Variants in GAS2 observed in about 807,000 individuals in gnomAD.
GAS2 encodes the protein growth arrest-specific protein 2.
GAS2 carries 20 observed loss-of-function variants against 37.5 expected under a neutral mutation model. The observed-to-expected ratio is 0.53, with a 90% CI of 0.37 to 0.77. The LOEUF is 0.77. GAS2 is among the 30% of genes least tolerant of loss of function. GAS2 has a pLI of 0.00. For synonymous variants in GAS2, 144 were observed against 132.2 expected (o/e 1.09, Z -0.61); for missense variants, 336 against 373.4 (o/e 0.90, Z 0.82).
At chr11:22,732,981 A>G (rs553435225) in intron 4 of GAS2, among the ~76,000 whole-genome samples, 1 of 151,608 alleles carries the variant, frequency 6.6e-6, no homozygotes, top group East Asian at 1.9e-4. Flanking sequence ...TCACCTGGAA[A>G]ATTTTTTTAA....
chr11:22,668,386 T>C (rs985082839), intron 1 of GAS2: 1 of 152,210 alleles, frequency 6.6e-6, no homozygotes, highest in African/African-American at 2.4e-5. Context: ...GCAAAGCACA[T>C]TGGAGACTTT....
At chr11:22,775,228 G>A (rs1300903845) in intron 7 of GAS2, among the ~76,000 whole-genome samples, 1 of 152,228 alleles carries the variant, frequency 6.6e-6, no homozygotes, top group East Asian at 1.9e-4. Flanking sequence ...AGGCTGTAGT[G>A]CAGATAATGA....
At chr11:22,763,933 G>C (rs1471833492) in intron 7 of GAS2, among the ~76,000 whole-genome samples, 1 of 152,068 alleles carries the variant, frequency 6.6e-6, no homozygotes, top group Non-Finnish European at 1.5e-5. Flanking sequence ...AATGCTTTTA[G>C]CTTTTAATTC....
chr11:22,653,467 T>A lies in GAS2; in HGVS notation c.-20-21383T>A, dbSNP rs188026714. Among the ~76,000 whole-genome samples, 23 of 152,304 alleles carry A rather than the reference T, an allele frequency of 1.5e-4. No individual in the cohort carries two copies. In the East Asian group the frequency reaches 4.3e-3, roughly 28 times the overall value. ...CAAAATAGTGAAAATAGCAAATATG[T>A]TGAAAAAGGTATCAAGAAACTTTCT... is the stretch of plus-strand genomic sequence containing the variant. On this transcript the variant is annotated intron_variant, in intron 1 of 5. Transcript: ENST00000528582.
intron 7 of GAS2, among the ~76,000 whole-genome samples, chr11:22,785,791 A>G (rs1172488416): frequency 2.0e-5 from 3 of 152,140 alleles, no homozygotes; most frequent in African/African-American, 7.2e-5. Flanking sequence ...TTATAAGTCT[A>G]TAAGGGAGTA....
Position 22,734,545 on chromosome 11 carries a change from G to T in GAS2, c.410-3160G>T, listed in dbSNP as rs144098586. Among the ~76,000 whole-genome samples, 851 of 151,512 alleles carry T rather than the reference G, an allele frequency of 5.6e-3. 14 individuals carry two copies. Among genetic ancestry groups the T allele is most frequent in the African/African-American group, 0.019 (770 of 41,426 alleles). On this transcript the variant is annotated intron_variant, in intron 4 of 7. Coordinates refer to ENST00000454584, the MANE Select transcript of GAS2 (RefSeq NM_001143830.3). ...ACATTATGATGCACAAAAAGTGCTT[G>T]CAGGGAAAAAAGTGAATTAATATTA...
intron 3 of GAS2, among the ~76,000 whole-genome samples, chr11:22,723,666 C>T (rs1389247191): frequency 2.0e-5 from 3 of 151,878 alleles, no homozygotes; most frequent in African/African-American, 7.2e-5. Context: ...TTTTTACATG[C>T]AAACTCGTAT....
intron 7 of GAS2, among the ~76,000 whole-genome samples, chr11:22,762,436 G>A (rs1277435030): frequency 6.6e-6 from 1 of 152,070 alleles, no homozygotes; most frequent in Non-Finnish European, 1.5e-5. Flanking sequence ...TAAGTAAGTA[G>A]TAAAATAAGT....
At chr11:22,634,206 C>T (rs1471747917) in intron 1 of GAS2, among the ~76,000 whole-genome samples, 2 of 152,084 alleles carry the variant, frequency 1.3e-5, no homozygotes, top group South Asian at 2.1e-4. Context: ...AAGGGGTTTC[C>T]GCTTATAAAA....
At chr11:22,806,536 C>T (rs1856897819) in intron 7 of GAS2, among the ~76,000 whole-genome samples, 1 of 152,098 alleles carries the variant, frequency 6.6e-6, no homozygotes, top group African/African-American at 2.4e-5. Flanking sequence ...TGCTGTTTTC[C>T]ATAATGGCTA....
chr11:22,732,483 T>C (rs1470332051), intron 4 of GAS2, among the ~76,000 whole-genome samples: 2 of 151,802 alleles, frequency 1.3e-5, no homozygotes, highest in African/African-American at 2.4e-5. Flanking sequence ...CACATCATTA[T>C]TGAGCTTGTG....
chr11:22,721,842 A>G (rs1851965540), intron 3 of GAS2, among the ~76,000 whole-genome samples: 1 of 151,986 alleles, frequency 6.6e-6, no homozygotes, highest in Admixed American at 6.6e-5. Context: ...TCTTGTACCC[A>G]TAACGGAAAT....
At chr11:22,739,163 C>T (rs748262455) in intron 5 of GAS2, among the ~76,000 whole-genome samples, 1 of 152,274 alleles carries the variant, frequency 6.6e-6, no homozygotes, top group South Asian at 2.1e-4. Flanking sequence ...TAAAGATATA[C>T]CTCTTGCTTC....
chr11:22,717,115 A>G (rs1487568273), intron 3 of GAS2, among the ~76,000 whole-genome samples: 1 of 143,674 alleles, frequency 7.0e-6, no homozygotes, highest in Non-Finnish European at 1.5e-5. Flanking sequence ...TCAAAATACA[A>G]TCATCATTCT....
At chr11:22,766,331 C>A (rs1854692837) in intron 7 of GAS2, among the ~76,000 whole-genome samples, 1 of 151,374 alleles carries the variant, frequency 6.6e-6, no homozygotes, top group Admixed American at 6.6e-5. Context: ...TGTTAGAGAG[C>A]AAATTGCTTG....
intron 7 of GAS2, among the ~76,000 whole-genome samples, chr11:22,792,298 A>G (rs1290292416): frequency 1.3e-5 from 2 of 152,216 alleles, no homozygotes; most frequent in Non-Finnish European, 2.9e-5. Context: ...TGGGATGGAT[A>G]TATATTTTTT....
intron 3 of GAS2, among the ~76,000 whole-genome samples, chr11:22,693,341 T>C (rs576039354): frequency 6.6e-6 from 1 of 152,344 alleles, no homozygotes; most frequent in African/African-American, 2.4e-5. Context: ...TAACACTTCA[T>C]TGAAAAGACC....
intron 1 of GAS2, 170 bp downstream of exon 1, chr11:22,667,069 G>C (rs1286780704): frequency 1.3e-5 from 2 of 152,294 alleles, no homozygotes; most frequent in Non-Finnish European, 2.9e-5. Flanking sequence ...GTGAAGAGCC[G>C]CGGACAGTTG....
chr11:22,687,709 C>T (rs1285200004), intron 3 of GAS2, among the ~76,000 whole-genome samples: 4 of 152,092 alleles, frequency 2.6e-5, no homozygotes, highest in African/African-American at 7.2e-5. Flanking sequence ...CTCTCATTTC[C>T]ATCGTGATGT....
Sources: allele counts gnomAD v4.1 joint callset (sites outside exome capture counted in the v4.1 genomes callset), GRCh38; gene constraint gnomAD v4.1.1; transcripts MANE v1.5; gene names NCBI Gene and HGNC (gene_info 2026-07-23, HGNC 2026-07-21).